Variants in ERC2 observed in about 807,000 individuals in gnomAD.
ERC2 encodes the protein ERC protein 2.
Under a neutral mutation model 114.8 loss-of-function variants are expected in ERC2, and 42 were observed. That is an observed-to-expected ratio of 0.37 (90% CI 0.29 to 0.47). ERC2 has a LOEUF of 0.47. ERC2 is among the 20% of genes least tolerant of loss of function. The pLI is 0.99. For missense variants in ERC2, 939 were observed against 1,150.7 expected (o/e 0.82, Z 2.66); for synonymous variants, 454 against 425.5 (o/e 1.07, Z -0.82).
At chr3:56,082,921 T>G (rs1166013591) in intron 6 of ERC2, among the ~76,000 whole-genome samples, 1 of 152,184 alleles carries the variant, frequency 6.6e-6, no homozygotes, top group African/African-American at 2.4e-5. Context: ...CACTCTCCTA[T>G]GACAGTCTAA....
At chr3:56,040,595 CTATATATGTATATATAATATATAG>C (rs1576670401) in intron 7 of ERC2, among the ~76,000 whole-genome samples, 6 of 5,682 alleles carry the variant, frequency 1.1e-3, no homozygotes, top group East Asian at 4.5e-3. Context: ...ACATATATAT[CTATATATGTATATATAATATATAG>C]ATGTATATGT....
intron 14 of ERC2, among the ~76,000 whole-genome samples, chr3:55,772,673 C>G (rs2068312305): frequency 6.6e-6 from 1 of 152,132 alleles, no homozygotes; most frequent in African/African-American, 2.4e-5. Context: ...CCATCCTTTC[C>G]CTCCCTAAGC....
At chr3:56,348,591 A>G (rs2058399817) in intron 2 of ERC2, among the ~76,000 whole-genome samples, 1 of 150,910 alleles carries the variant, frequency 6.6e-6, no homozygotes, top group Non-Finnish European at 1.5e-5. Context: ...CAAGATTTCT[A>G]TGTGAAATCT....
chr3:56,090,654 T>C (rs1480054530), intron 6 of ERC2, among the ~76,000 whole-genome samples: 2 of 151,650 alleles, frequency 1.3e-5, no homozygotes, highest in East Asian at 3.9e-4. Context: ...ACATGATATA[T>C]TTTCATATTT....
chr3:56,099,800 A>G (rs542200359), intron 6 of ERC2, among the ~76,000 whole-genome samples: 1 of 152,324 alleles, frequency 6.6e-6, no homozygotes, highest in Non-Finnish European at 1.5e-5. Flanking sequence ...GTCCTGCTCA[A>G]GAACTCAGAG....
chr3:55,543,825 T>C (rs1249916146), intron 17 of ERC2, among the ~76,000 whole-genome samples: 1 of 152,174 alleles, frequency 6.6e-6, no homozygotes, highest in Non-Finnish European at 1.5e-5. Flanking sequence ...ACAGCTTGCA[T>C]GTCATGGCTG....
At chr3:56,406,115 ACTCCTGGCCT>A (rs975715186) in intron 2 of ERC2, among the ~76,000 whole-genome samples, 6 of 140,514 alleles carry the variant, frequency 4.3e-5, no homozygotes, top group African/African-American at 1.6e-4. Context: ...CTTGTCGTGA[ACTCCTGGCCT>A]CAAGTGATCT....
chr3:56,270,964 A>G (rs2053620792), intron 3 of ERC2, among the ~76,000 whole-genome samples: 1 of 152,242 alleles, frequency 6.6e-6, no homozygotes, highest in African/African-American at 2.4e-5. Context: ...CCTGGGAAAC[A>G]GAGCAAGACT....
intron 14 of ERC2, among the ~76,000 whole-genome samples, chr3:55,822,842 T>A (rs1215969566): frequency 1.3e-5 from 2 of 152,294 alleles, no homozygotes; most frequent in East Asian, 3.9e-4. Context: ...CGCGATCTCC[T>A]GACCTCGTGA....
intron 3 of ERC2, among the ~76,000 whole-genome samples, chr3:56,181,342 C>T (rs1175889223): frequency 2.0e-5 from 3 of 152,192 alleles, no homozygotes; most frequent in African/African-American, 7.2e-5. Flanking sequence ...AAATCCAGCC[C>T]ACCATCTCTT....
At chr3:56,099,894 T>C (rs1339891932) in intron 6 of ERC2, among the ~76,000 whole-genome samples, 3 of 152,176 alleles carry the variant, frequency 2.0e-5, no homozygotes, top group Admixed American at 1.3e-4. Flanking sequence ...CACATTTGCC[T>C]GAAGTTTCCT....
At chr3:56,357,821 A>G (rs1439128679) in intron 2 of ERC2, among the ~76,000 whole-genome samples, 1 of 149,664 alleles carries the variant, frequency 6.7e-6, no homozygotes, top group Non-Finnish European at 1.5e-5. Flanking sequence ...TAAAAGTCTA[A>G]ATAAATACTG....
Position 56,318,439 on chromosome 3 carries a change from AG to A in ERC2, c.658-22005del, listed in dbSNP as rs2056969996. 2.6e-5 allele frequency among the ~76,000 whole-genome samples: 4 copies of A among 152,238 alleles called. No homozygotes were observed. The South Asian group carries it at 8.3e-4, about 32-fold the overall frequency. The stretch of plus-strand genomic sequence containing the variant: ...TGACCCGGCCACCTTGTCCTCCCAA[AG>A]TGCTGAGATTGCAGACATGAGCCAC... On this transcript the variant is annotated intron_variant, in intron 2 of 17. Transcript: ENST00000288221.
intron 17 of ERC2, among the ~76,000 whole-genome samples, chr3:55,531,980 C>T (rs567400854): frequency 2.6e-5 from 4 of 152,364 alleles, no homozygotes; most frequent in Admixed American, 2.0e-4. Flanking sequence ...GAACTGTCCT[C>T]GGCTTCAGCC....
intron 1 of ERC2, among the ~76,000 whole-genome samples, chr3:56,455,050 G>A (rs892479404): frequency 6.6e-6 from 1 of 152,020 alleles, no homozygotes. Context: ...GGGGCTGGGG[G>A]AATGTGGAGT....
At chr3:56,357,018 T>A (rs2058769807) in intron 2 of ERC2, among the ~76,000 whole-genome samples, 1 of 152,160 alleles carries the variant, frequency 6.6e-6, no homozygotes, top group Non-Finnish European at 1.5e-5. Flanking sequence ...AGCCAACTCT[T>A]CTGTAAACAA....
chr3:55,554,471 A>C (rs1170510220), intron 17 of ERC2, among the ~76,000 whole-genome samples: 1 of 152,178 alleles, frequency 6.6e-6, no homozygotes, highest in East Asian at 1.9e-4. Context: ...TGAAGGAGTG[A>C]GTAGCCAGGC....
intron 2 of ERC2, among the ~76,000 whole-genome samples, chr3:56,398,515 G>T (rs2060398646): frequency 6.6e-6 from 1 of 151,926 alleles, no homozygotes; most frequent in African/African-American, 2.4e-5. Flanking sequence ...TTGTTTTTCT[G>T]AAATTCAAAT....
intron 14 of ERC2, among the ~76,000 whole-genome samples, chr3:55,819,205 C>T (rs2060021098): frequency 6.6e-6 from 1 of 152,318 alleles, no homozygotes; most frequent in South Asian, 2.1e-4. Flanking sequence ...CGATTAAAAA[C>T]TCGTGTGTTT....
Sources: gnomAD v4.1 joint callset for allele counts (sites outside exome capture counted in the v4.1 genomes callset) on GRCh38, gnomAD v4.1.1 for gene constraint, MANE v1.5 for transcripts, NCBI Gene and HGNC (gene_info 2026-07-23, HGNC 2026-07-21) for gene names.